SLIT2: variants seen among roughly 807,000 people sequenced by gnomAD.
SLIT2 encodes slit homolog 2 protein.
A neutral mutation model predicts 185.7 loss-of-function variants in SLIT2; 41 were observed. The ratio of observed to expected loss-of-function variants is 0.22; its 90% confidence interval spans 0.17 to 0.29. The LOEUF (loss-of-function observed/expected upper bound fraction) is 0.29. SLIT2 is among the 10% of genes least tolerant of loss of function. The probability of loss-of-function intolerance (pLI) is 1.00; values close to 1 mark genes in which losing one functional copy is unlikely to be tolerated. For synonymous variants in SLIT2, 693 were observed against 680.2 expected (o/e 1.02, Z -0.29); for missense variants, 1,571 against 1,909.0 (o/e 0.82, Z 3.30).
intron 4 of SLIT2, among the ~76,000 whole-genome samples, chr4:20,290,287 G>C (rs1715667853): frequency 6.6e-6 from 1 of 151,820 alleles, no homozygotes; most frequent in South Asian, 2.1e-4. Flanking sequence ...CCCATCTGTG[G>C]ATTCAACCAA....
chr4:20,550,143 T>C (rs1050608577), intron 24 of SLIT2, among the ~76,000 whole-genome samples: 3 of 152,116 alleles, frequency 2.0e-5, no homozygotes, highest in African/African-American at 7.2e-5. Context: ...TATTTATTCT[T>C]TTATTTTTGT....
chr4:20,523,034 A>C (rs927611983), intron 12 of SLIT2, among the ~76,000 whole-genome samples: 1 of 152,208 alleles, frequency 6.6e-6, no homozygotes, highest in Admixed American at 6.6e-5. Flanking sequence ...GGAAGGGGTC[A>C]AAGACAGCCT....
intron 4 of SLIT2, among the ~76,000 whole-genome samples, chr4:20,371,005 G>A (rs1274274429): frequency 6.6e-6 from 1 of 152,042 alleles, no homozygotes; most frequent in Admixed American, 6.6e-5. Flanking sequence ...CCTTTCAACA[G>A]ATTGCCACTG....
chr4:20,271,226 A>C (rs1713569229), intron 4 of SLIT2, among the ~76,000 whole-genome samples: 1 of 151,612 alleles, frequency 6.6e-6, no homozygotes, highest in Admixed American at 6.6e-5. Context: ...CAAGAAGAAC[A>C]AGTGACAGAA....
intron 29 of SLIT2, among the ~76,000 whole-genome samples, chr4:20,585,285 A>G (rs938142085): frequency 6.6e-6 from 1 of 152,226 alleles, no homozygotes; most frequent in African/African-American, 2.4e-5. Context: ...GCCAAAACAT[A>G]CACAACCAAC....
At position 20,426,383 on chromosome 4, in the gene SLIT2, C is replaced by T. The variant is rs183779135; in HGVS notation, c.396-41369C>T. 7.4e-3 allele frequency among the ~76,000 whole-genome samples: 1,120 copies of T among 152,168 alleles called. 10 individuals are homozygous for T. The highest frequency in any genetic ancestry group is 0.041 in the Middle Eastern group (12 of 294). On this transcript the variant is annotated intron_variant, in intron 4 of 36. Transcript: ENST00000504154. ...AGTGGAGAGGCTGGGGAATCAGATT[C>T]TTTAGAAAATAGGGAGTTTTGTATA...
intron 4 of SLIT2, among the ~76,000 whole-genome samples, chr4:20,381,222 C>G (rs2109342156): frequency 6.6e-6 from 1 of 151,926 alleles, no homozygotes; most frequent in Non-Finnish European, 1.5e-5. Context: ...AACTGGGCTC[C>G]AGCTTGGGTG....
intron 23 of SLIT2, 103 bp downstream of exon 23, chr4:20,548,662 A>G (rs952321714): frequency 1.2e-5 from 9 of 723,158 alleles, no homozygotes; most frequent in Non-Finnish European, 2.0e-5. Flanking sequence ...TCTACCCTCA[A>G]GGAATGTTTC....
chr4:20,495,414 G>A (rs1458162953), intron 9 of SLIT2, among the ~76,000 whole-genome samples: 3 of 152,074 alleles, frequency 2.0e-5, no homozygotes, highest in Admixed American at 6.6e-5. Flanking sequence ...ATAGGGAAGG[G>A]GAACAAAAAG....
At chr4:20,263,736 A>T (rs1712739167) in intron 3 of SLIT2, among the ~76,000 whole-genome samples, 1 of 151,860 alleles carries the variant, frequency 6.6e-6, no homozygotes, top group African/African-American at 2.4e-5. Flanking sequence ...AGGGATAATC[A>T]TTATATCTCA....
intron 11 of SLIT2, among the ~76,000 whole-genome samples, chr4:20,516,029 C>T (rs1720181264): frequency 6.6e-6 from 1 of 152,208 alleles, no homozygotes; most frequent in Non-Finnish European, 1.5e-5. Flanking sequence ...GTTGGCCAGG[C>T]TGGTCTTGAA....
At chr4:20,295,431 A>G (rs1457888006) in intron 4 of SLIT2, among the ~76,000 whole-genome samples, 3 of 152,188 alleles carry the variant, frequency 2.0e-5, no homozygotes, top group Admixed American at 6.5e-5. Flanking sequence ...AAGTCGACTT[A>G]TGCTAACAAC....
chr4:20,520,743 T>A (rs1190215575), intron 12 of SLIT2, among the ~76,000 whole-genome samples: 2 of 152,124 alleles, frequency 1.3e-5, no homozygotes, highest in African/African-American at 4.8e-5. Context: ...GAAACAATAA[T>A]GAACCTTATT....
intron 4 of SLIT2, among the ~76,000 whole-genome samples, chr4:20,344,170 GT>G (rs1202407982): frequency 6.6e-6 from 1 of 152,134 alleles, no homozygotes; most frequent in Admixed American, 6.5e-5. Context: ...TTTAAATATA[GT>G]TGAAACCACA....
At chr4:20,516,841 C>G (rs528955592) in intron 11 of SLIT2, among the ~76,000 whole-genome samples, 3 of 152,220 alleles carry the variant, frequency 2.0e-5, no homozygotes, top group African/African-American at 7.2e-5. Flanking sequence ...AGCAATAATT[C>G]CTATACACAT....
At chr4:20,581,430 CACCACATCACT>C (rs1726558384) in intron 29 of SLIT2, among the ~76,000 whole-genome samples, 1 of 152,162 alleles carries the variant, frequency 6.6e-6, no homozygotes. Flanking sequence ...GAATCCTCAA[CACCACATCACT>C]GTATTTTAAA....
At chr4:20,310,199 T>G (rs1717974973) in intron 4 of SLIT2, among the ~76,000 whole-genome samples, 1 of 152,234 alleles carries the variant, frequency 6.6e-6, no homozygotes, top group South Asian at 2.1e-4. Flanking sequence ...ATTGTACACA[T>G]GCTTTCTGGA....
chr4:20,574,889 CTG>C (rs1472352937), intron 29 of SLIT2, among the ~76,000 whole-genome samples: 1 of 151,346 alleles, frequency 6.6e-6, no homozygotes, highest in Non-Finnish European at 1.5e-5. Context: ...GGATGATTTA[CTG>C]TGTTTGCTGA....
At chr4:20,554,234 G>A in intron 26 of SLIT2, 1 of 550,350 alleles carries the variant, frequency 1.8e-6, no homozygotes, top group South Asian at 1.6e-5. Flanking sequence ...ACAATTTCTG[G>A]AAATTCCTTT....
Sources: gnomAD v4.1 joint callset for allele counts (sites outside exome capture counted in the v4.1 genomes callset) on GRCh38, gnomAD v4.1.1 for gene constraint, MANE v1.5 for transcripts, NCBI Gene and HGNC (gene_info 2026-07-23, HGNC 2026-07-21) for gene names.